Variants in HCN2 observed in about 807,000 individuals in gnomAD.
HCN2 encodes potassium/sodium hyperpolarization-activated cyclic nucleotide-gated channel 2.
Under a neutral mutation model 52.3 loss-of-function variants are expected in HCN2, and 20 were observed. The observed-to-expected ratio is 0.38, with a 90% CI of 0.27 to 0.56. The LOEUF (loss-of-function observed/expected upper bound fraction) is 0.56. Among genes scored for constraint, HCN2 ranks in the 20% least tolerant of loss-of-function variants. The probability of loss-of-function intolerance (pLI) is 0.71; values close to 1 mark genes in which losing one functional copy is unlikely to be tolerated. For missense variants in HCN2, 981 were observed against 1,207.7 expected (o/e 0.81, Z 2.78); for synonymous variants, 694 against 537.0 (o/e 1.29, Z -4.04).
chr19:607,113 G>A (rs910575357), intron 3 of HCN2, among the ~76,000 whole-genome samples: 2 of 152,230 alleles, frequency 1.3e-5, no homozygotes, highest in African/African-American at 4.8e-5. Flanking sequence ...GGAGGCTGCC[G>A]TGAGCCAAGA....
At chr19:597,185 G>A (rs1476074286) in intron 1 of HCN2, among the ~76,000 whole-genome samples, 2 of 152,226 alleles carry the variant, frequency 1.3e-5, no homozygotes, top group African/African-American at 4.8e-5. Flanking sequence ...TAATCCCCAG[G>A]AATACTGCCC....
At chr19:599,847 C>CGTGT (rs34793549) in intron 1 of HCN2, among the ~76,000 whole-genome samples, 7,260 of 133,226 alleles carry the variant, frequency 0.054, 264 homozygotes, top group Middle Eastern at 0.085. Flanking sequence ...GAAGGGGTCC[C>CGTGT]GTGTGTGTGT....
rs1983894677 is a variant in HCN2 at position 616,010 on chromosome 19, A to G, written c.2206A>G (p.Met736Val). 1 of 1,502,454 alleles carries G rather than the reference A, an allele frequency of 6.7e-7. No homozygotes were observed. Among genetic ancestry groups the G allele is most frequent in the Non-Finnish European group, 8.8e-7 (1 of 1,133,130 alleles). The allele number at this position is 1,502,454 out of a possible 1,614,324, so 93.1% of individuals were successfully genotyped here. A position where few individuals can be genotyped will look rare whatever the true frequency, so the allele number is the denominator to read the frequency against. ...AIATLQQAAAMSFCPQVARPL... is the reference protein window; with the variant it reads ...AIATLQQAAAVSFCPQVARPL... ...CGCCACGCTGCAGCAGGCGGCGGCC[A>G]TGAGCTTCTGCCCGCAGGTGGCGCG... The change falls in exon 8 of 8, where the codon ATG becomes GTG. Residue 736 changes from methionine (M) to valine (V), a missense_variant. Physicochemically the swap from Met to Val is conservative, Grantham distance 21. Transcript: ENST00000251287.
intron 4 of HCN2, among the ~76,000 whole-genome samples, chr19:609,742 A>G (rs1460302162): frequency 6.6e-6 from 1 of 152,072 alleles, no homozygotes; most frequent in Non-Finnish European, 1.5e-5. Context: ...CTCCACAAAA[A>G]ATAAAAGAAT....
rs763356197 is a variant in HCN2, at chr19:591,763, C to G, written c.632+1186C>G. The stretch of plus-strand genomic sequence containing the variant: ...GGCCTGGGCGCCCCAGGACAGCCCC[C>G]ACGGACCCTGGACCCCCGGAACTGG... On this transcript the variant is annotated intron_variant, in intron 1 of 7. Coordinates refer to ENST00000251287, the MANE Select transcript of HCN2 (RefSeq NM_001194.4). This position sits in a 1 kb window ranked among gnomAD's most constrained non-coding sequence, Gnocchi z 4.1. 5.3e-5 allele frequency among the ~76,000 whole-genome samples: 8 copies of G among 152,144 alleles called. No homozygotes were observed. Among genetic ancestry groups the G allele is most frequent in the Non-Finnish European group, 8.8e-5 (6 of 68,010 alleles).
At chr19:611,974 C>A (rs1320548326) in intron 5 of HCN2, among the ~76,000 whole-genome samples, 1 of 152,006 alleles carries the variant, frequency 6.6e-6, no homozygotes, top group Admixed American at 6.6e-5. Context: ...GGTGAAGCCC[C>A]GTCTCCACTA....
In HCN2 at chr19:616,589, A is replaced by C. The variant is rs1222716371; in HGVS notation, c.*115A>C. 1 of 604,478 alleles carries C rather than the reference A, an allele frequency of 1.7e-6. No homozygotes were observed. Among genetic ancestry groups the C allele is most frequent in the African/African-American group, 2.0e-5 (1 of 49,606 alleles). The allele number at this position is 604,478 out of a possible 1,614,324, so 37.4% of individuals were successfully genotyped here. ...AGTCCGCCCAGAAGCCATAGACGAG[A>C]CGTAGGTAGCCGTAGTTGGACGGAC... On this transcript the variant is annotated 3_prime_UTR_variant, in exon 8 of 8. Transcript: ENST00000251287.
chr19:613,841 G>T lies in HCN2; in HGVS notation c.1826-11G>T. On this transcript the variant is annotated splice_polypyrimidine_tract_variant and intron_variant, in intron 6 of 7. Transcript: ENST00000251287. ...CTCGTCCAGCAACCCCCCCCTGCGC[G>T]CCACGTGCAGAGATCTGCCTGCTCA... 1 of 1,539,672 alleles carries T rather than the reference G, an allele frequency of 6.5e-7. No individual in the cohort carries two copies. Among genetic ancestry groups the T allele is most frequent in the Non-Finnish European group, 8.7e-7 (1 of 1,149,040 alleles).
intron 1 of HCN2, among the ~76,000 whole-genome samples, chr19:598,770 TA>T (rs776328090): frequency 6.6e-6 from 1 of 152,126 alleles, no homozygotes; most frequent in Non-Finnish European, 1.5e-5. Context: ...CACAAAAAAA[TA>T]ATACATTTTT....
intron 3 of HCN2, among the ~76,000 whole-genome samples, chr19:607,421 A>G (rs906630864): frequency 6.6e-6 from 1 of 151,884 alleles, no homozygotes. Flanking sequence ...CAGAGGGAAG[A>G]CCCGCCAGTG....
chr19:612,397 T>TGG (rs1456625537), intron 5 of HCN2, among the ~76,000 whole-genome samples: 11 of 37,686 alleles, frequency 2.9e-4, no homozygotes, highest in Non-Finnish European at 6.4e-4. Context: ...TCCACTGGTG[T>TGG]GTGTGTGTGT....
intron 1 of HCN2, among the ~76,000 whole-genome samples, chr19:595,808 G>A (rs542897009): frequency 6.6e-6 from 1 of 152,160 alleles, no homozygotes; most frequent in Non-Finnish European, 1.5e-5. Flanking sequence ...ACAGCTGAGA[G>A]TGCCGTCTCC....
chr19:613,555 G>A, intron 6 of HCN2, 67 bp downstream of exon 6: 1 of 529,772 alleles, frequency 1.9e-6, no homozygotes, highest in Non-Finnish European at 2.8e-6. Flanking sequence ...GCAGAGCCAG[G>A]GGGCCGGGGC....
In HCN2 at chr19:616,371, C is replaced by T. The variant is rs1983924329; in HGVS notation, c.2567C>T (p.Ala856Val). 1 of 1,226,710 alleles carries T rather than the reference C, an allele frequency of 8.2e-7. No homozygotes were observed. The highest frequency in any genetic ancestry group is 1.0e-6 in the Non-Finnish European group (1 of 974,148). 76.0% of individuals were successfully genotyped at this position (1,226,710 alleles called of 1,614,324 possible). A position where few individuals can be genotyped will look rare whatever the true frequency, so the allele number is the denominator to read the frequency against. Residue 856 changes from alanine to valine, a missense_variant, in exon 8 of 8, where the codon GCC (alanine) becomes GTC (valine). By Grantham distance (64) the Ala-to-Val change is moderately conservative (BLOSUM62 0). Coordinates refer to ENST00000251287, the MANE Select transcript of HCN2 (RefSeq NM_001194.4). ...PRLGPTPAAR[A>V]AAPSPDRRDS... The stretch of plus-strand genomic sequence containing the variant: ...TTGGGGCCCACGCCCGCTGCCCGGG[C>T]CGCCGCGCCCAGCCCGGACCGCAGG...
chr19:609,587 G>A (rs544849042), intron 4 of HCN2, among the ~76,000 whole-genome samples: 8 of 152,348 alleles, frequency 5.3e-5, no homozygotes, highest in African/African-American at 1.4e-4. Context: ...GCAACACGGC[G>A]AGACCTCATC....
chr19:598,900 G>A (rs1983117034), intron 1 of HCN2, among the ~76,000 whole-genome samples: 1 of 152,218 alleles, frequency 6.6e-6, no homozygotes, highest in Admixed American at 6.5e-5. Flanking sequence ...GAGCCACCGT[G>A]CCCAGCCTGA....
intron 1 of HCN2, among the ~76,000 whole-genome samples, chr19:596,727 C>T (rs1019274543): frequency 7.9e-5 from 12 of 152,264 alleles, no homozygotes; most frequent in African/African-American, 2.4e-4. Flanking sequence ...AAAGGGCTGC[C>T]GGACGCGGCT....
intron 5 of HCN2, among the ~76,000 whole-genome samples, chr19:612,693 G>T (rs977247110): frequency 6.6e-6 from 1 of 151,570 alleles, no homozygotes; most frequent in African/African-American, 2.4e-5. Context: ...GGGATTACAG[G>T]TGTGAGCCAC....
chr19:596,634 C>T (rs1983039405), intron 1 of HCN2, among the ~76,000 whole-genome samples: 1 of 152,200 alleles, frequency 6.6e-6, no homozygotes, highest in African/African-American at 2.4e-5. Context: ...TGTCCCTGCT[C>T]AGCACTGGGG....
Sources: gnomAD v4.1 joint callset for allele counts (sites outside exome capture counted in the v4.1 genomes callset) on GRCh38, gnomAD v4.1.1 for gene constraint, Gnocchi (gnomAD v3.1) non-coding constraint, MANE v1.5 for transcripts, NCBI Gene and HGNC (gene_info 2026-07-23, HGNC 2026-07-21) for gene names.